The following ISG20 variants were observed in gnomAD, a reference collection of about 807,000 sequenced individuals.
ISG20 encodes the protein interferon stimulated exonuclease gene 20.
Under a neutral mutation model 11.1 loss-of-function variants are expected in ISG20, and 8 were observed. The ratio of observed to expected loss-of-function variants is 0.72; its 90% confidence interval spans 0.42 to 1.30. The LOEUF (loss-of-function observed/expected upper bound fraction) is 1.30. ISG20 is among the 50% of genes most tolerant of loss of function. The pLI is 0.01. For synonymous variants in ISG20, 110 were observed against 101.7 expected (o/e 1.08, Z -0.49); for missense variants, 243 against 250.2 (o/e 0.97, Z 0.19).
At chr15:88,649,904 C>T in intron 2 of ISG20, 2 of 339,594 alleles carry the variant, frequency 5.9e-6, no homozygotes, top group South Asian at 5.6e-5. Flanking sequence ...GTGACACTGC[C>T]TGTTGACAGT....
Position 88,639,417 on chromosome 15 carries a change from G to C in ISG20, c.51G>C (p.Leu17=), listed in dbSNP as rs1320026557. The change falls in exon 2 of 4, where the codon CTG becomes CTC. Residue 17 remains leucine, a synonymous_variant. Transcript: ENST00000306072. This position sits in a 1 kb window ranked among gnomAD's most constrained non-coding sequence, Gnocchi z 4.2. ...VVAMDCEMVG[L]GPHRESGLAR... is the part of the protein sequence containing the mutation. The stretch of plus-strand genomic sequence containing the variant: ...CCATGGACTGCGAGATGGTGGGGCT[G>C]GGGCCCCACCGGGAGAGTGGCCTGG... 2 of 1,613,648 alleles carry C rather than the reference G, an allele frequency of 1.2e-6. No individual in the cohort carries two copies. The highest frequency in any genetic ancestry group is 1.7e-6 in the Non-Finnish European group (2 of 1,179,812).
intron 2 of ISG20, among the ~76,000 whole-genome samples, chr15:88,646,071 G>A (rs986328606): frequency 3.9e-5 from 6 of 152,320 alleles, no homozygotes; most frequent in Admixed American, 2.6e-4. Flanking sequence ...AGCCCTGATG[G>A]GCAGGGAGCA....
intron 3 of ISG20, among the ~76,000 whole-genome samples, chr15:88,653,815 A>C (rs760574244): frequency 2.0e-5 from 3 of 150,522 alleles, no homozygotes; most frequent in Non-Finnish European, 3.0e-5. Flanking sequence ...ACAGTTGGGC[A>C]GTGGTGTTAC....
At chr15:88,654,149 T>A (rs558436749) in intron 3 of ISG20, among the ~76,000 whole-genome samples, 9 of 152,132 alleles carry the variant, frequency 5.9e-5, no homozygotes, top group Non-Finnish European at 1.2e-4. Flanking sequence ...AGGGTGCTGG[T>A]GCTGCATTCT....
intron 2 of ISG20, among the ~76,000 whole-genome samples, chr15:88,642,647 C>T (rs2058101659): frequency 2.6e-5 from 4 of 152,126 alleles, no homozygotes; most frequent in Admixed American, 6.5e-5. Context: ...GACGAAGTCT[C>T]GCTCTATCGC....
Position 88,643,347 on chromosome 15 carries a change from G to A in ISG20, c.228+3753G>A, listed in dbSNP as rs539989481. On this transcript the variant is annotated intron_variant, in intron 2 of 3. Coordinates refer to ENST00000306072, the MANE Select transcript of ISG20 (RefSeq NM_002201.6). The surrounding 1 kb of genome is among the most constrained non-coding windows in gnomAD (Gnocchi z 4.4). The stretch of plus-strand genomic sequence containing the variant: ...TTGGATATGTTAGGTTAAATAAAAC[G>A]TTAAAATTAATTTCACCTATTTACT... Among the ~76,000 whole-genome samples, 40 of 152,228 alleles carry A rather than the reference G, an allele frequency of 2.6e-4. No homozygotes were observed. The highest frequency in any genetic ancestry group is 3.4e-3 in the Middle Eastern group (1 of 294).
Position 88,654,482 on chromosome 15 carries a change from C to T in ISG20, c.430-933C>T, listed in dbSNP as rs77830674. The stretch of plus-strand genomic sequence containing the variant: ...AGGAGCCCCTGTGAGAACAGGAAGT[C>T]CTCTCTCGACAGAGGGACACCAAGA... On this transcript the variant is annotated intron_variant, in intron 3 of 3. Coordinates refer to ENST00000306072, the MANE Select transcript of ISG20 (RefSeq NM_002201.6). Among the ~76,000 whole-genome samples the T allele has an allele frequency of 4.5e-4, 68 of 152,330 alleles. No homozygotes were observed. In the South Asian group the frequency reaches 5.4e-3, roughly 12 times the overall value.
At position 88,654,519 on chromosome 15, in the gene ISG20, G is replaced by A. The variant is rs1256265056; in HGVS notation, c.430-896G>A. Among the ~76,000 whole-genome samples the A allele has an allele frequency of 2.0e-5, 3 of 152,178 alleles. No individual in the cohort carries two copies. In the East Asian group the frequency reaches 5.8e-4, roughly 29 times the overall value. On this transcript the variant is annotated intron_variant, in intron 3 of 3. Transcript: ENST00000306072. ...GAGGGACACCAAGAAAACGCAGCCA[G>A]GTCCAACAGCCCGCTGGCTCCCATG...
At position 88,655,011 on chromosome 15, in the gene ISG20, G is replaced by A. The variant is rs532355415; in HGVS notation, c.430-404G>A. ...CGGCCTTTCCTTTCCATTTATTGAC[G>A]CCCTTGTGTTCTCTCTGAGCAGCCC... On this transcript the variant is annotated intron_variant, in intron 3 of 3. Coordinates refer to ENST00000306072, the MANE Select transcript of ISG20 (RefSeq NM_002201.6). Among the ~76,000 whole-genome samples, 15 of 152,160 alleles carry A rather than the reference G, an allele frequency of 9.9e-5. No individual in the cohort carries two copies. In the East Asian group the frequency reaches 2.1e-3, roughly 22 times the overall value.
At chr15:88,646,098 A>G (rs2058168138) in intron 2 of ISG20, among the ~76,000 whole-genome samples, 1 of 152,190 alleles carries the variant, frequency 6.6e-6, no homozygotes, top group South Asian at 2.1e-4. Context: ...CTGTCTTTAG[A>G]TTGGGCTGCA....
In ISG20 at chr15:88,655,515, T is replaced by C. The variant is rs1364760178; in HGVS notation, c.530T>C (p.Leu177Pro). The C allele has an allele frequency of 3.1e-6, 5 of 1,613,802 alleles. No individual in the cohort carries two copies. Among genetic ancestry groups the C allele is most frequent in the Admixed American group, 1.7e-5 (1 of 60,036 alleles). The stretch of plus-strand genomic sequence containing the variant: ...CGAGCCCGCCGAGGGCTGCCCCGCC[T>C]GGCTGTGTCAGACTGAAGCCCCATC... The part of the protein sequence containing the change: ...RIRARRGLPR[L>P]AVSD The change falls in exon 4 of 4, where the codon CTG becomes CCG. Residue 177 changes from leucine (L) to proline (P), a missense_variant. Leu to Pro is a moderately conservative substitution (Grantham distance 98). Coordinates refer to ENST00000306072, the MANE Select transcript of ISG20 (RefSeq NM_002201.6).
At position 88,643,832 on chromosome 15, in the gene ISG20, G is replaced by T. The variant is rs1409104417; in HGVS notation, c.228+4238G>T. 1.3e-5 allele frequency among the ~76,000 whole-genome samples: 2 copies of T among 152,188 alleles called. No homozygotes were observed. Among genetic ancestry groups the T allele is most frequent in the East Asian group, 1.9e-4 (1 of 5,202 alleles). Reference sequence around the variant, plus strand: ...CAGAAGGGTTTTGGATTTTGGATTTGGGATTTTTTTGGATTTTGGAATATT... The same window carrying T: ...CAGAAGGGTTTTGGATTTTGGATTTTGGATTTTTTTGGATTTTGGAATATT... On this transcript the variant is annotated intron_variant, in intron 2 of 3. Transcript: ENST00000306072. This position sits in a 1 kb window ranked among gnomAD's most constrained non-coding sequence, Gnocchi z 4.4.
At chr15:88,648,579 G>A (rs987234008) in intron 2 of ISG20, 1 of 152,290 alleles carries the variant, frequency 6.6e-6, no homozygotes, top group Non-Finnish European at 1.5e-5. Context: ...ATCATTGTGT[G>A]CCTGGTAGTG....
intron 3 of ISG20, among the ~76,000 whole-genome samples, chr15:88,654,294 T>A (rs2058338373): frequency 1.3e-5 from 2 of 152,270 alleles, no homozygotes; most frequent in Admixed American, 6.5e-5. Flanking sequence ...GACGCCACCA[T>A]GCTACCTGCT....
In ISG20 at chr15:88,639,016, G is replaced by T; in HGVS notation, c.-85G>T. ...AGATGAGTCACCGCTGAGAGCAGCT[G>T]CAGTAGCTGAGCAGTGGCAGCAGAG... On this transcript the variant is annotated 5_prime_UTR_variant, in exon 1 of 4. Coordinates refer to ENST00000306072, the MANE Select transcript of ISG20 (RefSeq NM_002201.6). The surrounding 1 kb of genome is among the most constrained non-coding windows in gnomAD (Gnocchi z 4.2). 1 of 376,146 alleles carries T rather than the reference G, an allele frequency of 2.7e-6. No homozygotes were observed. The highest frequency in any genetic ancestry group is 4.9e-6 in the Non-Finnish European group (1 of 203,784). 23.3% of individuals were successfully genotyped at this position (376,146 alleles called of 1,614,324 possible).
chr15:88,641,536 C>G lies in ISG20; in HGVS notation c.228+1942C>G, dbSNP rs8032113. Among the ~76,000 whole-genome samples, 1,322 of 152,276 alleles carry G rather than the reference C, an allele frequency of 8.7e-3. 22 individuals carry two copies. Among genetic ancestry groups the G allele is most frequent in the African/African-American group, 0.03 (1,262 of 41,542 alleles). On this transcript the variant is annotated intron_variant, in intron 2 of 3. Coordinates refer to ENST00000306072, the MANE Select transcript of ISG20 (RefSeq NM_002201.6). ...CAGATTCTAGGGGTTGTTGTCAAAG[C>G]TTTGGGGTACCTTGGCTTATAGATG...
rs1315021955 is a variant in ISG20, at chr15:88,652,318, C to A, written c.429+8C>A. On this transcript the variant is annotated splice_region_variant and intron_variant, in intron 3 of 3. Transcript: ENST00000306072. ...CTACACAAGAGCATCCAGGTGAGAA[C>A]CTCCTCGTCCTTCTCCTCCTCCCCC... The A allele has an allele frequency of 6.2e-7, 1 of 1,604,138 alleles. No individual in the cohort carries two copies.
intron 3 of ISG20, among the ~76,000 whole-genome samples, chr15:88,653,759 C>T (rs904624128): frequency 8.1e-5 from 12 of 147,828 alleles, no homozygotes; most frequent in African/African-American, 3.0e-4. Flanking sequence ...TCACTGTGAC[C>T]AGAACTGACC....
rs775056831 is a variant in ISG20, at chr15:88,655,450, G to A, written c.465G>A (p.Ala155=). ...TTGGACACAGCTCGGTGGAAGATGC[G>A]AGGGCAACGATGGAGCTCTATCAAA... ...SLLGHSSVED[A]RATMELYQIS... is the part of the protein sequence containing the mutation. Residue 155 remains alanine (A), a synonymous_variant, in exon 4 of 4, where the codon GCG becomes GCA. Transcript: ENST00000306072. 6 of 1,613,886 alleles carry A rather than the reference G, an allele frequency of 3.7e-6. No homozygotes were observed. The highest frequency in any genetic ancestry group is 3.3e-5 in the South Asian group (3 of 91,070).
Sources: allele counts gnomAD v4.1 joint callset (sites outside exome capture counted in the v4.1 genomes callset), GRCh38; gene constraint gnomAD v4.1.1; non-coding constraint Gnocchi (gnomAD v3.1); transcripts MANE v1.5; gene names NCBI Gene and HGNC (gene_info 2026-07-23, HGNC 2026-07-21).